Variants in NTN4 observed in about 807,000 individuals in gnomAD.
NTN4 encodes netrin 4.
A neutral mutation model predicts 73.6 loss-of-function variants in NTN4; 32 were observed. That is an observed-to-expected ratio of 0.44 (90% CI 0.33 to 0.58). The LOEUF (loss-of-function observed/expected upper bound fraction) is 0.58. NTN4 is among the 20% of genes least tolerant of loss of function. The pLI, the probability that NTN4 is intolerant of heterozygous loss-of-function variation, is 0.04. For synonymous variants in NTN4, 258 were observed against 287.5 expected (o/e 0.90, Z 1.04); for missense variants, 654 against 798.3 (o/e 0.82, Z 2.18).
intron 2 of NTN4, among the ~76,000 whole-genome samples, chr12:95,771,138 T>C (rs368357724): frequency 2.1e-3 from 321 of 152,042 alleles, no homozygotes; most frequent in African/African-American, 6.2e-3. Context: ...TACAGGCGCC[T>C]GCTACCACGC....
intron 2 of NTN4, among the ~76,000 whole-genome samples, chr12:95,766,814 C>T (rs28371929): frequency 0.27 from 40,797 of 152,054 alleles, 5,659 homozygotes; most frequent in South Asian, 0.33. Context: ...AGATTGCATT[C>T]GCTTTTTTGG....
At chr12:95,716,344 A>T (rs2121102219) in intron 3 of NTN4, among the ~76,000 whole-genome samples, 1 of 152,308 alleles carries the variant, frequency 6.6e-6, no homozygotes, top group African/African-American at 2.4e-5. Flanking sequence ...ACAAGAATAT[A>T]AAAACCCTAA....
intron 2 of NTN4, among the ~76,000 whole-genome samples, chr12:95,741,638 T>A (rs914011675): frequency 2.4e-4 from 35 of 145,956 alleles, no homozygotes; most frequent in Admixed American, 7.6e-4. Flanking sequence ...TATATATATA[T>A]AAAAATTATA....
At chr12:95,764,386 C>T (rs1482507252) in intron 2 of NTN4, among the ~76,000 whole-genome samples, 2 of 152,184 alleles carry the variant, frequency 1.3e-5, no homozygotes, top group East Asian at 1.9e-4. Context: ...GAGAGCTGGC[C>T]GGGCACAGTG....
rs56063223 is a variant in NTN4 at position 95,700,080 on chromosome 12, A to ATTTTTTTTTTTTTTTTTT, written c.1180+10343_1180+10360dup. On this transcript the variant is annotated intron_variant, in intron 5 of 9. Transcript: ENST00000343702. Reference sequence around the variant, plus strand: ...AACAGTGTATTCTTCTAAAGTGAGGATTTTTTTTTTTTTTTTTTTTTTTTT... The same window carrying ATTTTTTTTTTTTTTTTTT: ...AACAGTGTATTCTTCTAAAGTGAGGATTTTTTTTTTTTTTTTTTTTTTTTTTTTTTTTTTTTTTTTTTT... 2.2e-4 allele frequency among the ~76,000 whole-genome samples: 9 copies of ATTTTTTTTTTTTTTTTTT among 41,822 alleles called. 3 individuals are homozygous for ATTTTTTTTTTTTTTTTTT. Among genetic ancestry groups the ATTTTTTTTTTTTTTTTTT allele is most frequent in the Admixed American group, 8.3e-4 (2 of 2,412 alleles). 27.4% of individuals were successfully genotyped at this position (41,822 alleles called of 152,430 possible).
chr12:95,731,973 A>G (rs1328845204), intron 3 of NTN4, among the ~76,000 whole-genome samples: 2 of 152,202 alleles, frequency 1.3e-5, no homozygotes, highest in African/African-American at 4.8e-5. Flanking sequence ...AAGACCTGGC[A>G]CATAGTAGGC....
intron 2 of NTN4, among the ~76,000 whole-genome samples, chr12:95,760,185 GCTAAT>G (rs1263615695): frequency 2.6e-5 from 4 of 152,080 alleles, no homozygotes; most frequent in Non-Finnish European, 5.9e-5. Context: ...TTATTTTAGG[GCTAAT>G]TTAACCCTAT....
At chr12:95,761,892 T>C (rs552990927) in intron 2 of NTN4, among the ~76,000 whole-genome samples, 1 of 152,268 alleles carries the variant, frequency 6.6e-6, no homozygotes, top group Non-Finnish European at 1.5e-5. Flanking sequence ...AGTGAACTTA[T>C]CCATGGTGGC....
chr12:95,784,054 C>G (rs1346414648), intron 2 of NTN4, among the ~76,000 whole-genome samples: 1 of 152,050 alleles, frequency 6.6e-6, no homozygotes, highest in Non-Finnish European at 1.5e-5. Flanking sequence ...AAGTCTTAAG[C>G]CTTATATAGA....
chr12:95,714,454 A>T (rs962683318), intron 3 of NTN4, among the ~76,000 whole-genome samples: 9 of 151,722 alleles, frequency 5.9e-5, no homozygotes, highest in Non-Finnish European at 8.9e-5. Context: ...CAACTAGTCA[A>T]CAAATATTTA....
At chr12:95,664,079 G>T (rs1323967305) in intron 9 of NTN4, among the ~76,000 whole-genome samples, 2 of 152,030 alleles carry the variant, frequency 1.3e-5, no homozygotes, top group Non-Finnish European at 2.9e-5. Flanking sequence ...TTGAGATAGG[G>T]TCTTGCTCTG....
At chr12:95,747,012 A>C (rs1271513444) in intron 2 of NTN4, among the ~76,000 whole-genome samples, 1 of 152,190 alleles carries the variant, frequency 6.6e-6, no homozygotes, top group East Asian at 1.9e-4. Flanking sequence ...AGGCAGCTTA[A>C]CTTTTATAAA....
At position 95,713,104 on chromosome 12, in the gene NTN4, G is replaced by C. The variant is rs779135027; in HGVS notation, c.991+108C>G. 25 of 1,364,866 alleles carry C rather than the reference G, an allele frequency of 1.8e-5. No individual in the cohort carries two copies. In the East Asian group the frequency reaches 5.9e-4, roughly 32 times the overall value. 84.5% of individuals were successfully genotyped at this position (1,364,866 alleles called of 1,614,324 possible). A position where few individuals can be genotyped will look rare whatever the true frequency, so the allele number is the denominator to read the frequency against. ...TATGGCTATGTTTGTGTAGGGTCTA[G>C]TGTTTGTCACCCACCACTTTGTGTT... On this transcript the variant is annotated intron_variant, in intron 4 of 9. Transcript: ENST00000343702.
At chr12:95,742,285 G>A (rs2078832195) in intron 2 of NTN4, among the ~76,000 whole-genome samples, 1 of 151,778 alleles carries the variant, frequency 6.6e-6, no homozygotes, top group South Asian at 2.1e-4. Context: ...CACAATGTCA[G>A]GAGTTTGAGA....
rs1450907870 is a variant in NTN4 at position 95,749,988 on chromosome 12, G to A, written c.586-11844C>T. ...TCCTTCACCCTTAGTGGCAAGTCCC[G>A]CTTTTCTGGGGGAGGGGCAAGTACC... is the stretch of plus-strand genomic sequence containing the variant. On this transcript the variant is annotated intron_variant, in intron 2 of 9. Coordinates refer to ENST00000343702, the MANE Select transcript of NTN4 (RefSeq NM_021229.4). 4.7e-5 allele frequency among the ~76,000 whole-genome samples: 7 copies of A among 149,262 alleles called. 1 individual carries two copies. Among genetic ancestry groups the A allele is most frequent in the African/African-American group, 1.2e-4 (5 of 40,648 alleles).
intron 2 of NTN4, among the ~76,000 whole-genome samples, chr12:95,770,168 G>A (rs1220535642): frequency 2.0e-5 from 3 of 152,130 alleles, no homozygotes; most frequent in Non-Finnish European, 4.4e-5. Flanking sequence ...TAACAGAAGT[G>A]GAAATTAGAA....
chr12:95,710,710 T>C (rs774402620), intron 4 of NTN4, 81 bp from the exon 5 acceptor site: 36 of 1,379,966 alleles, frequency 2.6e-5, no homozygotes, highest in Non-Finnish European at 3.6e-5. Flanking sequence ...TAGGTAAAAA[T>C]AGGATGAGTT....
chr12:95,790,329 C>T lies in NTN4; in HGVS notation c.-20G>A. 1.3e-6 allele frequency: 2 copies of T among 1,520,262 alleles called. No individual in the cohort carries two copies. The highest frequency in any genetic ancestry group is 1.5e-5 in the African/African-American group (1 of 68,038). The allele number at this position is 1,520,262 out of a possible 1,614,324, so 94.2% of individuals were successfully genotyped here. A position where few individuals can be genotyped will look rare whatever the true frequency, so the allele number is the denominator to read the frequency against. On this transcript the variant is annotated 5_prime_UTR_variant, in exon 1 of 10. Transcript: ENST00000343702. This position sits in a 1 kb window ranked among gnomAD's most constrained non-coding sequence, Gnocchi z 6.5. ...CCCCATGGCCGGGAGGAGCCGGGAG[C>T]AGCCGGGCCGGGCGGGTGCCGGAGG... is the stretch of plus-strand genomic sequence containing the variant.
chr12:95,700,771 C>T (rs2078478593), intron 5 of NTN4, among the ~76,000 whole-genome samples: 1 of 150,966 alleles, frequency 6.6e-6, no homozygotes, highest in Non-Finnish European at 1.5e-5. Context: ...TTTTTTCTTT[C>T]TTTCTTTTTC....
Sources: gnomAD v4.1 joint callset for allele counts (sites outside exome capture counted in the v4.1 genomes callset) on GRCh38, gnomAD v4.1.1 for gene constraint, Gnocchi (gnomAD v3.1) non-coding constraint, MANE v1.5 for transcripts, NCBI Gene and HGNC (gene_info 2026-07-23, HGNC 2026-07-21) for gene names.